The following ZBTB8A variants were observed in gnomAD, a reference collection of about 807,000 sequenced individuals.
ZBTB8A encodes the protein zinc finger and BTB domain containing 8A.
ZBTB8A carries 19 observed loss-of-function variants against 37.8 expected under a neutral mutation model. The observed-to-expected ratio is 0.50, with a 90% CI of 0.35 to 0.74. ZBTB8A has a LOEUF of 0.74. ZBTB8A is among the 30% of genes least tolerant of loss of function. The pLI is 0.01. For synonymous variants in ZBTB8A, 181 were observed against 185.2 expected, an observed-to-expected ratio of 0.98 and a Z score of 0.19; for missense variants, 394 against 537.8, an observed-to-expected ratio of 0.73 and a Z score of 2.65.
At chr1:32,574,205 A>G (rs1644344200) in intron 2 of ZBTB8A, among the ~76,000 whole-genome samples, 1 of 152,204 alleles carries the variant, frequency 6.6e-6, no homozygotes, top group South Asian at 2.1e-4. Flanking sequence ...TTAGAAGTTT[A>G]ATGTTTAATT....
chr1:32,540,749 G>A (rs1453316529), intron 1 of ZBTB8A, among the ~76,000 whole-genome samples: 1 of 152,226 alleles, frequency 6.6e-6, no homozygotes, highest in African/African-American at 2.4e-5. Context: ...AGGTATGGAT[G>A]CGTTTGTAGA....
Position 32,573,738 on chromosome 1 carries a change from CTT to C in ZBTB8A, c.-1-19171_-1-19170del, listed in dbSNP as rs753573244. 3.5e-3 allele frequency among the ~76,000 whole-genome samples: 328 copies of C among 95,012 alleles called. 6 individuals carry two copies. The East Asian group carries it at 0.046, about 13-fold the overall frequency. 62.3% of individuals were successfully genotyped at this position (95,012 alleles called of 152,430 possible). ...CAAAAGCCACCACACCCAGCTAAAA[CTT>C]TTTTTTTTTTTTTTTTTTTTTAATA... On this transcript the variant is annotated intron_variant, in intron 2 of 4. Coordinates refer to ENST00000373510, the MANE Select transcript of ZBTB8A (RefSeq NM_001040441.3).
chr1:32,546,263 G>C lies in ZBTB8A; in HGVS notation c.-84+6691G>C, dbSNP rs540664752. 2.6e-5 allele frequency among the ~76,000 whole-genome samples: 4 copies of C among 152,172 alleles called. No individual in the cohort carries two copies. The South Asian group carries it at 8.3e-4, about 32-fold the overall frequency. On this transcript the variant is annotated intron_variant, in intron 1 of 4. Coordinates refer to ENST00000373510, the MANE Select transcript of ZBTB8A (RefSeq NM_001040441.3). Reference sequence around the variant, plus strand: ...GTTTGAGACCAGCCTGGCCAACATGGCGAAACCCTGTCTCTGTTAAAAATA... The same window carrying C: ...GTTTGAGACCAGCCTGGCCAACATGCCGAAACCCTGTCTCTGTTAAAAATA...
chr1:32,575,393 A>C (rs1460912367), intron 2 of ZBTB8A, among the ~76,000 whole-genome samples: 4 of 151,204 alleles, frequency 2.6e-5, no homozygotes, highest in Non-Finnish European at 2.9e-5. Flanking sequence ...CACCTGGCTA[A>C]TTTTTGTATT....
intron 2 of ZBTB8A, among the ~76,000 whole-genome samples, chr1:32,571,418 T>C (rs1163629087): frequency 6.6e-6 from 1 of 152,200 alleles, no homozygotes; most frequent in African/African-American, 2.4e-5. Flanking sequence ...AGTGTTGGAT[T>C]TTTCAAATGT....
At chr1:32,598,971 C>G (rs566692300) in intron 4 of ZBTB8A, among the ~76,000 whole-genome samples, 7 of 152,194 alleles carry the variant, frequency 4.6e-5, no homozygotes, top group African/African-American at 1.4e-4. Flanking sequence ...CACCCTAAAG[C>G]AGGTTTATAT....
chr1:32,586,222 G>A lies in ZBTB8A; in HGVS notation c.-1-6709G>A, dbSNP rs186249891. ...TAATCCCAGCTACTCAGGATGCTGA[G>A]GCAGGAGAATTGCTTGAACCCGGGA... On this transcript the variant is annotated intron_variant, in intron 2 of 4. Transcript: ENST00000373510. Among the ~76,000 whole-genome samples, 5 of 152,058 alleles carry A rather than the reference G, an allele frequency of 3.3e-5. No homozygotes were observed. The East Asian group carries it at 9.7e-4, about 29-fold the overall frequency.
intron 1 of ZBTB8A, among the ~76,000 whole-genome samples, chr1:32,543,402 G>C (rs1306047179): frequency 6.6e-6 from 1 of 151,936 alleles, no homozygotes; most frequent in African/African-American, 2.4e-5. Flanking sequence ...TAACTCTTAC[G>C]CCATAAAATT....
chr1:32,593,069 C>T lies in ZBTB8A; in HGVS notation c.138C>T (p.Ser46=), dbSNP rs143827113. The stretch of plus-strand genomic sequence containing the variant: ...ATCGAAATGTATTATTCGCTAGTAG[C>T]GGCTACTTTAAAATGCTTCTTTCTC... The part of the protein sequence containing the change: ...KAHRNVLFAS[S]GYFKMLLSQN... The change falls in exon 3 of 5, where the codon AGC becomes AGT. Residue 46 remains serine, a synonymous_variant. Coordinates refer to ENST00000373510, the MANE Select transcript of ZBTB8A (RefSeq NM_001040441.3). 904 of 1,614,160 alleles carry T rather than the reference C, an allele frequency of 5.6e-4. 16 individuals carry two copies. The South Asian group carries it at 8.7e-3, about 16-fold the overall frequency.
At chr1:32,591,999 T>C (rs989337274) in intron 2 of ZBTB8A, among the ~76,000 whole-genome samples, 3 of 151,922 alleles carry the variant, frequency 2.0e-5, no homozygotes, top group East Asian at 1.9e-4. Flanking sequence ...CGCACCACCA[T>C]GCCCAGCTAA....
intron 2 of ZBTB8A, among the ~76,000 whole-genome samples, chr1:32,567,787 GTC>G (rs1279593786): frequency 1.9e-5 from 1 of 53,060 alleles, no homozygotes; most frequent in African/African-American, 7.6e-5. Context: ...GCAGGATTCT[GTC>G]TCAAAAAAAA....
chr1:32,561,846 G>C (rs1250710213), intron 2 of ZBTB8A, among the ~76,000 whole-genome samples: 1 of 152,152 alleles, frequency 6.6e-6, no homozygotes, highest in African/African-American at 2.4e-5. Context: ...CCAGGTTTAA[G>C]ACTTCAGCAT....
intron 1 of ZBTB8A, among the ~76,000 whole-genome samples, chr1:32,547,647 A>T (rs112571657): frequency 6.7e-6 from 1 of 149,668 alleles, no homozygotes; most frequent in Non-Finnish European, 1.5e-5. Context: ...AAAAAAAGAA[A>T]GAAAAAAAGG....
intron 2 of ZBTB8A, among the ~76,000 whole-genome samples, chr1:32,588,625 G>A (rs1644466039): frequency 1.3e-5 from 2 of 152,028 alleles, no homozygotes; most frequent in African/African-American, 4.8e-5. Flanking sequence ...GATCAACTGT[G>A]TAGGCAAAAT....
chr1:32,576,414 A>T (rs371300127), intron 2 of ZBTB8A, among the ~76,000 whole-genome samples: 1 of 152,026 alleles, frequency 6.6e-6, no homozygotes, highest in African/African-American at 2.4e-5. Context: ...ATTGTTCCAC[A>T]TTTCACTAAA....
At chr1:32,557,030 G>A (rs995179803) in intron 2 of ZBTB8A, among the ~76,000 whole-genome samples, 15 of 151,844 alleles carry the variant, frequency 9.9e-5, no homozygotes, top group South Asian at 4.2e-4. Flanking sequence ...GACCAGTTGC[G>A]GTGGCTCACA....
chr1:32,558,357 C>T (rs1408331647), intron 2 of ZBTB8A, among the ~76,000 whole-genome samples: 2 of 151,854 alleles, frequency 1.3e-5, no homozygotes, highest in Non-Finnish European at 2.9e-5. Flanking sequence ...TTCTTATCTA[C>T]AGTAGTTAGC....
intron 1 of ZBTB8A, among the ~76,000 whole-genome samples, chr1:32,552,539 G>GC (rs748326447): frequency 1.4e-4 from 21 of 152,142 alleles, no homozygotes; most frequent in Non-Finnish European, 2.8e-4. Context: ...GATGGTGTGT[G>GC]CCGGTAATCC....
intron 1 of ZBTB8A, among the ~76,000 whole-genome samples, chr1:32,545,078 A>G (rs1644091842): frequency 6.6e-6 from 1 of 152,302 alleles, no homozygotes; most frequent in African/African-American, 2.4e-5. Context: ...GAACTCCCAG[A>G]CTGTTTTCCA....
Sources: gnomAD v4.1 joint callset for allele counts (sites outside exome capture counted in the v4.1 genomes callset) on GRCh38, gnomAD v4.1.1 for gene constraint, MANE v1.5 for transcripts, NCBI Gene and HGNC (gene_info 2026-07-23, HGNC 2026-07-21) for gene names.